C1orf226: variants seen among roughly 807,000 people sequenced by gnomAD.
C1orf226 encodes uncharacterized protein C1orf226.
In C1orf226, 4 loss-of-function variants were observed where a neutral mutation model predicts 10.5. The observed-to-expected ratio is 0.38, with a 90% confidence interval of 0.19 to 0.87. The LOEUF (loss-of-function observed/expected upper bound fraction) is 0.87, where lower values mean the gene tolerates loss of function less well. C1orf226 is among the 40% of genes least tolerant of loss of function. C1orf226 has a pLI of 0.41. For missense variants in C1orf226, 313 were observed against 336.2 expected (o/e 0.93, Z 0.54); for synonymous variants, 125 against 139.3 (o/e 0.90, Z 0.72).
upstream of C1orf226, chr1:162,381,667 C>G: frequency 7.3e-7 from 1 of 1,374,964 alleles, no homozygotes; most frequent in Non-Finnish European, 9.4e-7. Flanking sequence ...TAGCATTAGT[C>G]ACTGATTAAC....
Position 162,383,249 on chromosome 1 carries a change from C to A in C1orf226, c.385C>A (p.Arg129=), listed in dbSNP as rs768005602. The stretch of plus-strand genomic sequence containing the variant: ...TCCCATAACCAGAAAGCGAACCCCT[C>A]GGGCCCTGAAGACCACCCAGGACAT... ...PPPITRKRTP[R]ALKTTQDMLI... The change falls in exon 2 of 2, where the codon CGG becomes AGG. Residue 129 remains arginine (R), a synonymous_variant. Coordinates refer to ENST00000458626, the MANE Select transcript of C1orf226 (RefSeq NM_001085375.2). The A allele has an allele frequency of 2.9e-5, 47 of 1,613,382 alleles. No homozygotes were observed. Among genetic ancestry groups the A allele is most frequent in the Admixed American group, 2.2e-4 (13 of 59,960 alleles).
In C1orf226 at chr1:162,385,531, C is replaced by T. The variant is rs1207248842; in HGVS notation, c.*1848C>T. ...TCGTAGGAGTCACTGCAGTAGGGCA[C>T]CTGCAGGCCCTGGTAGAGTGAGCAG... is the stretch of plus-strand genomic sequence containing the variant. On this transcript the variant is annotated 3_prime_UTR_variant, in exon 2 of 2. Transcript: ENST00000458626. The T allele has an allele frequency of 6.6e-6, 1 of 152,246 alleles. No homozygotes were observed. Among genetic ancestry groups the T allele is most frequent in the Non-Finnish European group, 1.5e-5 (1 of 68,060 alleles). The allele number at this position is 152,246 out of a possible 1,614,324, so 9.4% of individuals were successfully genotyped here.
At chr1:162,381,140 G>A (rs1299165294), upstream of C1orf226, among the ~76,000 whole-genome samples, 2 of 152,226 alleles carry the variant, frequency 1.3e-5, no homozygotes, top group Non-Finnish European at 2.9e-5. Context: ...ATTTAGCTGT[G>A]TGACCTCAGG....
In C1orf226 at chr1:162,386,567, AC is replaced by A. The variant is rs1327296772; in HGVS notation, c.*2886del. The A allele has an allele frequency of 6.6e-6, 1 of 152,230 alleles. No homozygotes were observed. Among genetic ancestry groups the A allele is most frequent in the Non-Finnish European group, 1.5e-5 (1 of 68,088 alleles). The allele number at this position is 152,230 out of a possible 1,614,324, so 9.4% of individuals were successfully genotyped here. A position where few individuals can be genotyped will look rare whatever the true frequency, so the allele number is the denominator to read the frequency against. On this transcript the variant is annotated 3_prime_UTR_variant, in exon 2 of 2. Transcript: ENST00000458626. ...GTAGATTATAAGGTGAGCTTCCAGA[AC>A]CTGGCAGGAGGCTGGTGTATCCCCC...
At position 162,384,583 on chromosome 1, in the gene C1orf226, A is replaced by C. The variant is rs1463705411; in HGVS notation, c.*900A>C. ...CTTGGCATTCAGAGCTGGTGCTAAAAACCCAGAGCAGAAGCAGGGAGAAGG... is the reference window on the plus strand; with the variant it reads ...CTTGGCATTCAGAGCTGGTGCTAAACACCCAGAGCAGAAGCAGGGAGAAGG... On this transcript the variant is annotated 3_prime_UTR_variant, in exon 2 of 2. Transcript: ENST00000458626. 6.5e-6 allele frequency: 1 copy of C among 152,912 alleles called. No homozygotes were observed. Among genetic ancestry groups the C allele is most frequent in the Non-Finnish European group, 1.5e-5 (1 of 68,316 alleles). 9.5% of individuals were successfully genotyped at this position (152,912 alleles called of 1,614,324 possible).
At chr1:162,379,739 A>T (rs1647851300), upstream of C1orf226, among the ~76,000 whole-genome samples, 1 of 152,264 alleles carries the variant, frequency 6.6e-6, no homozygotes, top group African/African-American at 2.4e-5. Flanking sequence ...AATGGTGCAT[A>T]ATCCAGAGTT....
upstream of C1orf226, chr1:162,379,073 A>G: frequency 7.5e-7 from 1 of 1,331,514 alleles, no homozygotes; most frequent in Non-Finnish European, 1.1e-6. Context: ...ACATCCCCAG[A>G]TGCCCTCCTC....
chr1:162,380,038 G>A (rs1051222345), upstream of C1orf226, among the ~76,000 whole-genome samples: 1 of 152,226 alleles, frequency 6.6e-6, no homozygotes, highest in Non-Finnish European at 1.5e-5. Context: ...TGCGGATGAC[G>A]TGATTAAAGA....
Position 162,381,809 on chromosome 1 carries a change from G to A in C1orf226, c.-93G>A. On this transcript the variant is annotated 5_prime_UTR_variant, in exon 1 of 2. Coordinates refer to ENST00000458626, the MANE Select transcript of C1orf226 (RefSeq NM_001085375.2). Reference sequence around the variant, plus strand: ...TTGGAAGTTACAGGTTTTGGGTGTGGGATAAGGAAAAACTGAATGATAGAG... The same window carrying A: ...TTGGAAGTTACAGGTTTTGGGTGTGAGATAAGGAAAAACTGAATGATAGAG... 1 of 1,537,508 alleles carries A rather than the reference G, an allele frequency of 6.5e-7. No individual in the cohort carries two copies.
At position 162,381,798 on chromosome 1, in the gene C1orf226, T is replaced by C. The variant is rs1647916872; in HGVS notation, c.-104T>C. ...TTTCCAAAGCCTTGGAAGTTACAGGTTTTGGGTGTGGGATAAGGAAAAACT... is the reference window on the plus strand; with the variant it reads ...TTTCCAAAGCCTTGGAAGTTACAGGCTTTGGGTGTGGGATAAGGAAAAACT... On this transcript the variant is annotated 5_prime_UTR_variant, in exon 1 of 2. Transcript: ENST00000458626. The C allele has an allele frequency of 6.6e-7, 1 of 1,521,966 alleles. No homozygotes were observed. Among genetic ancestry groups the C allele is most frequent in the Non-Finnish European group, 8.8e-7 (1 of 1,141,380 alleles). 94.3% of individuals were successfully genotyped at this position (1,521,966 alleles called of 1,614,324 possible).
chr1:162,383,559 T>A lies in C1orf226; in HGVS notation c.695T>A (p.Phe232Tyr). The change falls in exon 2 of 2, where the codon TTC becomes TAC. Residue 232 changes from phenylalanine to tyrosine, a missense_variant. Coordinates refer to ENST00000458626, the MANE Select transcript of C1orf226 (RefSeq NM_001085375.2). ...SSPSLIERNG[F>Y]KLSLSPISLA... ...CCCAGCCTTATCGAGAGGAATGGCT[T>A]CAAACTCAGCTTGAGCCCCATCAGC... 6.2e-7 allele frequency: 1 copy of A among 1,606,256 alleles called. No homozygotes were observed. The highest frequency in any genetic ancestry group is 8.5e-7 in the Non-Finnish European group (1 of 1,176,068).
chr1:162,381,859 A>C lies in C1orf226; in HGVS notation c.-43A>C, dbSNP rs760628235. 4 of 1,606,408 alleles carry C rather than the reference A, an allele frequency of 2.5e-6. No individual in the cohort carries two copies. Among genetic ancestry groups the C allele is most frequent in the African/African-American group, 1.3e-5 (1 of 74,410 alleles). On this transcript the variant is annotated 5_prime_UTR_variant, in exon 1 of 2. Coordinates refer to ENST00000458626, the MANE Select transcript of C1orf226 (RefSeq NM_001085375.2). ...GCACAGGTACCGCTCCCCTTTCCTC[A>C]TCATGCCTCTCTGTCGCCTCTTTGT...
chr1:162,380,630 T>C (rs1647875448), upstream of C1orf226, among the ~76,000 whole-genome samples: 1 of 152,164 alleles, frequency 6.6e-6, no homozygotes, highest in African/African-American at 2.4e-5. Context: ...TCTGGGGTAG[T>C]TGGTGTAGAC....
Position 162,381,951 on chromosome 1 carries a change from G to T in C1orf226, c.50G>T (p.Arg17Leu). The T allele has an allele frequency of 1.2e-6, 2 of 1,612,874 alleles. No homozygotes were observed. The highest frequency in any genetic ancestry group is 4.5e-5 in the East Asian group (2 of 44,880). ...TALTPKLQAS[R>L]SFPHLSKPVA... Reference sequence around the variant, plus strand: ...CTCACTCCAAAGCTCCAGGCCAGCCGCTCCTTCCCCCACTTGTCCAAGCCC... The same window carrying T: ...CTCACTCCAAAGCTCCAGGCCAGCCTCTCCTTCCCCCACTTGTCCAAGCCC... Residue 17 changes from arginine to leucine, a missense_variant, in exon 1 of 2, where the codon CGC becomes CTC. Transcript: ENST00000458626.
At chr1:162,380,345 A>G (rs893230995), upstream of C1orf226, among the ~76,000 whole-genome samples, 3 of 152,184 alleles carry the variant, frequency 2.0e-5, no homozygotes, top group Non-Finnish European at 4.4e-5. Flanking sequence ...CCTGCCACCC[A>G]AAGGCCCTTA....
In C1orf226 at chr1:162,384,219, C is replaced by A. The variant is rs1278840523; in HGVS notation, c.*536C>A. 1.3e-5 allele frequency: 2 copies of A among 157,526 alleles called. No individual in the cohort carries two copies. Among genetic ancestry groups the A allele is most frequent in the Non-Finnish European group, 2.8e-5 (2 of 71,734 alleles). The allele number at this position is 157,526 out of a possible 1,614,324, so 9.8% of individuals were successfully genotyped here. ...AGGCCATGGCCTAGAAAGCCACACA[C>A]CCTGACCACAGCCCAGCCATAGCTC... is the stretch of plus-strand genomic sequence containing the variant. On this transcript the variant is annotated 3_prime_UTR_variant, in exon 2 of 2. Coordinates refer to ENST00000458626, the MANE Select transcript of C1orf226 (RefSeq NM_001085375.2).
upstream of C1orf226, among the ~76,000 whole-genome samples, chr1:162,380,143 C>G (rs1204091977): frequency 6.6e-6 from 1 of 152,164 alleles, no homozygotes; most frequent in African/African-American, 2.4e-5. Context: ...AGTTGATGAC[C>G]CTGCTTGCTG....
upstream of C1orf226, chr1:162,381,719 A>C: frequency 1.4e-6 from 2 of 1,427,010 alleles, no homozygotes; most frequent in Non-Finnish European, 1.8e-6. Context: ...CTGTCCCATC[A>C]AGAAAACTAC....
Position 162,384,478 on chromosome 1 carries a change from G to A in C1orf226, c.*795G>A, listed in dbSNP as rs1648044147. On this transcript the variant is annotated 3_prime_UTR_variant, in exon 2 of 2. Transcript: ENST00000458626. ...TCTCTTGCTGAGTGTGTGAAGACAG[G>A]GAGAGCCAGGCCCCAGCAGATGCGG... 1 of 152,676 alleles carries A rather than the reference G, an allele frequency of 6.5e-6. No individual in the cohort carries two copies. The highest frequency in any genetic ancestry group is 2.4e-5 in the African/African-American group (1 of 41,448). The allele number at this position is 152,676 out of a possible 1,614,324, so 9.5% of individuals were successfully genotyped here. A position where few individuals can be genotyped will look rare whatever the true frequency, so the allele number is the denominator to read the frequency against.
Sources: allele counts gnomAD v4.1 joint callset (sites outside exome capture counted in the v4.1 genomes callset), GRCh38; gene constraint gnomAD v4.1.1; transcripts MANE v1.5; gene names NCBI Gene and HGNC (gene_info 2026-07-23, HGNC 2026-07-21).